The following DNAH5 variants were observed in gnomAD, a reference collection of about 807,000 sequenced individuals.
DNAH5 encodes the protein dynein axonemal heavy chain 5.
DNAH5 carries 372 observed loss-of-function variants against 518.2 expected under a neutral mutation model. The ratio of observed to expected loss-of-function variants is 0.72; its 90% confidence interval spans 0.66 to 0.78. DNAH5 has a LOEUF of 0.78. Ranked by LOEUF, DNAH5 falls within the 30% of genes least tolerant of loss-of-function variation. The pLI is 0.00. For missense variants in DNAH5, 5,523 were observed against 5,687.0 expected (o/e 0.97, Z 0.93); for synonymous variants, 2,039 against 2,025.9 (o/e 1.01, Z -0.17).
chr5:13,900,399 T>C lies in DNAH5; in HGVS notation c.2066A>G (p.His689Arg), dbSNP rs767156018. The C allele has an allele frequency of 3.1e-6, 5 of 1,613,990 alleles. No individual in the cohort carries two copies. The highest frequency in any genetic ancestry group is 3.4e-6 in the Non-Finnish European group (4 of 1,179,980). ...CAATAATGAAGCCTCAAGACCTACA[T>C]GAATTTCTTCAATCTGTGGGAAGAA... ...RAWLRQIEEIHVGLEASLLVK... is the reference protein window; with the variant it reads ...RAWLRQIEEIRVGLEASLLVK... Residue 689 changes from histidine to arginine, a missense_variant, in exon 15 of 79, where the codon CAT becomes CGT. Coordinates refer to ENST00000265104, the MANE Select transcript of DNAH5 (RefSeq NM_001369.3).
chr5:13,746,711 G>A (rs923291902), intron 65 of DNAH5, among the ~76,000 whole-genome samples: 4 of 152,076 alleles, frequency 2.6e-5, no homozygotes, highest in African/African-American at 9.7e-5. Context: ...TCCCAAGTGA[G>A]AGAAAAGATT....
intron 15 of DNAH5, chr5:13,898,723 A>T (rs1774211785): frequency 2.5e-6 from 1 of 397,734 alleles, no homozygotes; most frequent in Non-Finnish European, 4.4e-6. Context: ...ATGGCTTTAA[A>T]TGTAAAGTAC....
intron 40 of DNAH5, among the ~76,000 whole-genome samples, chr5:13,821,036 TA>T (rs1237692377): frequency 1.3e-5 from 2 of 152,122 alleles, no homozygotes; most frequent in Non-Finnish European, 2.9e-5. Flanking sequence ...TAAAAATGAT[TA>T]AAATGTAAAT....
chr5:13,770,927 T>A lies in DNAH5; in HGVS notation c.9427A>T (p.Lys3143Ter), dbSNP rs765325621. The change falls in exon 56 of 79, where the codon AAG becomes TAG. Residue 3143 changes from lysine to a stop codon, truncating the protein, a stop_gained. Coordinates refer to ENST00000265104, the MANE Select transcript of DNAH5 (RefSeq NM_001369.3). LOFTEE classifies it high-confidence loss of function. The part of the protein sequence containing the change: ...YDIDCSLEIK[K>*]EVVQCMGSFQ... ...GAGCCCATGCATTGGACCACCTCCT[T>A]CTTGATTTCCAAACTGCAGTCAATA... The A allele has an allele frequency of 2.5e-6, 4 of 1,614,002 alleles. No individual in the cohort carries two copies. The highest frequency in any genetic ancestry group is 1.3e-5 in the African/African-American group (1 of 74,928).
intron 53 of DNAH5, among the ~76,000 whole-genome samples, chr5:13,779,730 A>C (rs995718612): frequency 2.6e-5 from 4 of 152,120 alleles, no homozygotes; most frequent in African/African-American, 7.2e-5. Context: ...TCTTGATAAG[A>C]AGCAGCACCA....
At chr5:13,979,545 C>A (rs1782517639) in intron 1 of DNAH5, among the ~76,000 whole-genome samples, 1 of 152,124 alleles carries the variant, frequency 6.6e-6, no homozygotes, top group African/African-American at 2.4e-5. Context: ...CACAATACTA[C>A]CACCACCAGC....
At chr5:13,982,640 ATGAGTAGACATATGCACTATTGCATGAG>A (rs1561041359) in intron 1 of DNAH5, among the ~76,000 whole-genome samples, 8 of 35,734 alleles carry the variant, frequency 2.2e-4, no homozygotes, top group Admixed American at 9.4e-4. Context: ...TATTGCATGA[ATGAGTAGACATATGCACTATTGCATGAG>A]TGAGTAGACA....
intron 2 of DNAH5, among the ~76,000 whole-genome samples, chr5:13,930,407 TA>T (rs1221812394): frequency 5.3e-5 from 8 of 152,196 alleles, no homozygotes; most frequent in Non-Finnish European, 8.8e-5. Flanking sequence ...TGTTAAAATT[TA>T]CAAGACTACC....
Position 13,846,423 on chromosome 5 carries a change from T to C in DNAH5, c.5115-1430A>G, listed in dbSNP as rs554325770. ...CACTTTCTAGGAAAAATCAAGTCTT[T>C]ACTAGAGGATTACTTGGATCAGAAA... On this transcript the variant is annotated intron_variant, in intron 31 of 78. Transcript: ENST00000265104. Among the ~76,000 whole-genome samples the C allele has an allele frequency of 5.9e-5, 9 of 152,290 alleles. No homozygotes were observed. In the South Asian group the frequency reaches 1.7e-3, roughly 28 times the overall value.
chr5:13,951,737 C>T (rs1216852683), intron 1 of DNAH5, among the ~76,000 whole-genome samples: 1 of 152,142 alleles, frequency 6.6e-6, no homozygotes, highest in Non-Finnish European at 1.5e-5. Context: ...AGAAACCAGA[C>T]AGCTGTGGAA....
intron 60 of DNAH5, among the ~76,000 whole-genome samples, chr5:13,762,250 A>T (rs1751883329): frequency 6.6e-6 from 1 of 152,194 alleles, no homozygotes; most frequent in Non-Finnish European, 1.5e-5. Context: ...TTCCTGAGAG[A>T]CAAAACAAAA....
chr5:13,972,753 G>A (rs1028645943), intron 1 of DNAH5, among the ~76,000 whole-genome samples: 1 of 152,158 alleles, frequency 6.6e-6, no homozygotes, highest in African/African-American at 2.4e-5. Context: ...CAGCTTTCCT[G>A]GGATGTTCCT....
rs1747668661 is a variant in DNAH5 at position 13,737,365 on chromosome 5, A to G, written c.11342T>C (p.Leu3781Pro). ...TTTTGTGTTACTCAGCACGACAATG[A>G]GACTTTCATCTTCTACCAGGGACCC... ...TQGSLVEDES[L>P]IVVLSNTKRT... Residue 3781 changes from leucine (L) to proline (P), a missense_variant, in exon 66 of 79, where the codon CTC (leucine) becomes CCC (proline). Leu to Pro is a moderately conservative substitution (Grantham distance 98, BLOSUM62 -3). This residue lies in a region of DNAH5 where 5,121 missense variants were observed against 5,223.3 expected (regional missense o/e 0.98). Transcript: ENST00000265104. 1 of 1,614,016 alleles carries G rather than the reference A, an allele frequency of 6.2e-7. No homozygotes were observed. Among genetic ancestry groups the G allele is most frequent in the South Asian group, 1.1e-5 (1 of 91,076 alleles).
chr5:13,973,432 C>T (rs1426126041), intron 1 of DNAH5, among the ~76,000 whole-genome samples: 1 of 152,146 alleles, frequency 6.6e-6, no homozygotes, highest in Non-Finnish European at 1.5e-5. Flanking sequence ...CGAGAGTGTT[C>T]GTTGCCACAT....
chr5:13,848,461 A>G (rs547087170), intron 31 of DNAH5, among the ~76,000 whole-genome samples: 1 of 152,288 alleles, frequency 6.6e-6, no homozygotes, highest in Non-Finnish European at 1.5e-5. Flanking sequence ...GGATGATTCA[A>G]GCGCATTATA....
chr5:13,835,258 G>A (rs1010617216), intron 35 of DNAH5, among the ~76,000 whole-genome samples: 9 of 147,848 alleles, frequency 6.1e-5, no homozygotes, highest in Admixed American at 2.7e-4. Flanking sequence ...CAGCCTGGGC[G>A]ACAGAGTGAG....
intron 59 of DNAH5, among the ~76,000 whole-genome samples, chr5:13,765,556 A>G (rs1561202414): frequency 6.6e-6 from 1 of 152,170 alleles, no homozygotes. Flanking sequence ...ACAAATAGGT[A>G]TATACATATG....
intron 60 of DNAH5, among the ~76,000 whole-genome samples, chr5:13,762,269 G>C (rs181752127): frequency 6.6e-6 from 1 of 152,168 alleles, no homozygotes; most frequent in Admixed American, 6.5e-5. Flanking sequence ...AAATGGAAAA[G>C]GGAGGAATAC....
At chr5:13,907,640 A>C (rs79607382) in intron 12 of DNAH5, among the ~76,000 whole-genome samples, 4,064 of 152,296 alleles carry the variant, frequency 0.027, 188 homozygotes, top group African/African-American at 0.092. Context: ...AGAACGTCAC[A>C]CATCTTATAC....
Sources: gnomAD v4.1 joint callset for allele counts (sites outside exome capture counted in the v4.1 genomes callset) on GRCh38, gnomAD v4.1.1 for gene constraint, gnomAD v4.1.1 regional missense constraint, MANE v1.5 for transcripts, NCBI Gene and HGNC (gene_info 2026-07-23, HGNC 2026-07-21) for gene names.